Variants in CCL26 observed in about 807,000 individuals in gnomAD.
CCL26 encodes the protein C-C motif chemokine ligand 26.
In CCL26, 10 loss-of-function variants were observed where a neutral mutation model predicts 10.7. The observed-to-expected ratio is 0.93, with a 90% CI of 0.57 to 1.58. CCL26 has a LOEUF of 1.58. CCL26 is among the 40% of genes most tolerant of loss of function. The probability of loss-of-function intolerance (pLI) is 0.00; values close to 1 mark genes in which losing one functional copy is unlikely to be tolerated. For missense variants in CCL26, 116 were observed against 111.0 expected (o/e 1.05, Z -0.20); for synonymous variants, 43 against 41.4 (o/e 1.04, Z -0.15).
chr7:75,776,002 A>G (rs1370603570), upstream of CCL26, among the ~76,000 whole-genome samples: 4 of 149,312 alleles, frequency 2.7e-5, no homozygotes, highest in Non-Finnish European at 5.9e-5. Flanking sequence ...GCCCACTGTA[A>G]TCCAGTATGT....
At chr7:75,779,549 T>C (rs1055827551) in intron 1 of CCL26, among the ~76,000 whole-genome samples, 36 of 152,178 alleles carry the variant, frequency 2.4e-4, no homozygotes, top group African/African-American at 7.5e-4. Context: ...TCAATCTCTC[T>C]CTTCTCTTTA....
intron 1 of CCL26, among the ~76,000 whole-genome samples, chr7:75,780,903 C>T (rs1367755811): frequency 3.9e-5 from 6 of 152,178 alleles, no homozygotes; most frequent in Admixed American, 1.3e-4. Flanking sequence ...CTTACAGTTT[C>T]GTTCCATGAC....
intron 1 of CCL26, among the ~76,000 whole-genome samples, chr7:75,788,493 C>G (rs1192674073): frequency 6.6e-6 from 1 of 151,678 alleles, no homozygotes; most frequent in Non-Finnish European, 1.5e-5. Context: ...CCGCCTGCAC[C>G]CAGGTGACTA....
At chr7:75,783,439 C>G (rs1207627037) in intron 1 of CCL26, among the ~76,000 whole-genome samples, 2 of 152,114 alleles carry the variant, frequency 1.3e-5, no homozygotes, top group Non-Finnish European at 2.9e-5. Flanking sequence ...GGTGAGATTA[C>G]ATGGTTTCCT....
chr7:75,783,631 C>CA (rs199604955), intron 1 of CCL26, among the ~76,000 whole-genome samples: 23,440 of 151,750 alleles, frequency 0.15, 2,560 homozygotes, highest in Admixed American at 0.33. Context: ...ACTAAAAATA[C>CA]AAAAAATTAG....
Position 75,769,789 on chromosome 7 carries a change from T to A in CCL26, c.189A>T (p.Ile63=), listed in dbSNP as rs1554527900. The change falls in exon 3 of 3, where the codon ATA becomes ATT. Residue 63 remains isoleucine (I), a splice_region_variant and synonymous_variant. Coordinates refer to ENST00000005180, the MANE Select transcript of CCL26 (RefSeq NM_001371938.1). Reference sequence around the variant, plus strand: ...CTTTCTTGCCTCTTTTGGTAGTGAATCTGTGAAAAAGAGACACGGATAAGT... The same window carrying A: ...CTTTCTTGCCTCTTTTGGTAGTGAAACTGTGAAAAAGAGACACGGATAAGT... ...TSNSCSQRAV[I]FTTKRGKKVC... is the part of the protein sequence containing the mutation. 1.3e-6 allele frequency: 2 copies of A among 1,593,790 alleles called. No homozygotes were observed. Among genetic ancestry groups the A allele is most frequent in the East Asian group, 2.2e-5 (1 of 44,802 alleles).
chr7:75,791,562 G>C (rs1052042557), upstream of CCL26, among the ~76,000 whole-genome samples: 17 of 152,030 alleles, frequency 1.1e-4, no homozygotes, highest in African/African-American at 4.1e-4. Flanking sequence ...TGCCATCTGG[G>C]CTTCCCACTT....
chr7:75,776,860 T>C (rs925598586), upstream of CCL26, among the ~76,000 whole-genome samples: 2 of 152,090 alleles, frequency 1.3e-5, no homozygotes, highest in Non-Finnish European at 2.9e-5. Context: ...TGGAAAACTA[T>C]TGGCAGTATT....
chr7:75,784,947 G>T (rs1247792485), intron 1 of CCL26, among the ~76,000 whole-genome samples: 1 of 152,128 alleles, frequency 6.6e-6, no homozygotes, highest in Non-Finnish European at 1.5e-5. Context: ...AAGGATTAAA[G>T]CCTGTTATTA....
In CCL26 at chr7:75,789,461, C is replaced by CTTTT. The variant is rs35341116; in HGVS notation, c.-79+252_-79+255dup. Among the ~76,000 whole-genome samples, 5 of 123,000 alleles carry CTTTT rather than the reference C, an allele frequency of 4.1e-5. No individual in the cohort carries two copies. In the South Asian group the frequency reaches 1.3e-3, roughly 32 times the overall value. The allele number at this position is 123,000 out of a possible 152,430, so 80.7% of individuals were successfully genotyped here. ...TGGGAACATCCATTTCTCTTTTTCT[C>CTTTT]TTTTTTTTTTTTTTTTGCCAGAATG... is the stretch of plus-strand genomic sequence containing the variant. On this transcript the variant is annotated intron_variant, in intron 1 of 3. Transcript: ENST00000394905.
In CCL26 at chr7:75,769,806, C is replaced by T. The variant is rs1554527903; in HGVS notation, c.189-17G>A. 2.7e-6 allele frequency: 4 copies of T among 1,497,864 alleles called. No homozygotes were observed. In the East Asian group the frequency reaches 6.8e-5, roughly 25 times the overall value. 92.8% of individuals were successfully genotyped at this position (1,497,864 alleles called of 1,614,324 possible). On this transcript the variant is annotated splice_polypyrimidine_tract_variant and intron_variant, in intron 2 of 2. Coordinates refer to ENST00000005180, the MANE Select transcript of CCL26 (RefSeq NM_001371938.1). ...GTAGTGAATCTGTGAAAAAGAGACA[C>T]GGATAAGTCAATATTGAGACTCTTT...
upstream of CCL26, among the ~76,000 whole-genome samples, chr7:75,790,968 C>T (rs1369416604): frequency 2.0e-5 from 3 of 150,480 alleles, no homozygotes; most frequent in Non-Finnish European, 3.0e-5. Flanking sequence ...GTCCCTTCAC[C>T]CAAGAGGCAT....
Position 75,771,997 on chromosome 7 carries a change from C to A in CCL26, c.80G>T (p.Ser27Ile), listed in dbSNP as rs143820988. ...SLHLGTATRGSDISKTCCFQY... is the reference protein window; with the variant it reads ...SLHLGTATRGIDISKTCCFQY... The stretch of plus-strand genomic sequence containing the variant: ...GAAGCAGCAGGTCTTGGATATGTCA[C>A]TCCCACCTAAAAATCAGGGAGAGGA... The change falls in exon 2 of 3, where the codon AGT becomes ATT. Residue 27 changes from serine to isoleucine, a missense_variant. Transcript: ENST00000005180. 1.1e-5 allele frequency: 18 copies of A among 1,613,098 alleles called. No homozygotes were observed. The African/African-American group carries it at 2.1e-4, about 19-fold the overall frequency.
intron 1 of CCL26, among the ~76,000 whole-genome samples, chr7:75,788,453 C>G (rs1346894381): frequency 1.3e-5 from 2 of 152,126 alleles, no homozygotes; most frequent in Non-Finnish European, 2.9e-5. Flanking sequence ...ACCCCTATCT[C>G]CCTTGGCTGA....
intron 2 of CCL26, among the ~76,000 whole-genome samples, chr7:75,770,259 A>C (rs896663804): frequency 1.3e-5 from 2 of 151,582 alleles, no homozygotes; most frequent in Admixed American, 1.3e-4. Context: ...TAATAGAGAC[A>C]AGGTTTTGCC....
chr7:75,787,383 G>A (rs782360958), intron 1 of CCL26, among the ~76,000 whole-genome samples: 7 of 151,966 alleles, frequency 4.6e-5, no homozygotes, highest in South Asian at 4.2e-4. Context: ...AGTGGCTCAC[G>A]CCTGTAATCC....
chr7:75,784,903 C>T (rs532855681), intron 1 of CCL26, among the ~76,000 whole-genome samples: 2 of 152,258 alleles, frequency 1.3e-5, no homozygotes, highest in South Asian at 4.1e-4. Context: ...TTACACCGCT[C>T]AACGGCAATA....
At chr7:75,791,497 C>T (rs1803332535), upstream of CCL26, among the ~76,000 whole-genome samples, 2 of 152,232 alleles carry the variant, frequency 1.3e-5, no homozygotes, top group South Asian at 4.1e-4. Context: ...GCTCCAGATT[C>T]CTCTGTGTGG....
chr7:75,781,377 C>T (rs377621393), intron 1 of CCL26, among the ~76,000 whole-genome samples: 1 of 152,234 alleles, frequency 6.6e-6, no homozygotes, highest in Non-Finnish European at 1.5e-5. Flanking sequence ...TCCTGAACCG[C>T]AGCTGCCAGG....
Sources: allele counts gnomAD v4.1 joint callset (sites outside exome capture counted in the v4.1 genomes callset), GRCh38; gene constraint gnomAD v4.1.1; transcripts MANE v1.5; gene names NCBI Gene and HGNC (gene_info 2026-07-23, HGNC 2026-07-21).